Variants in FSTL5 observed in about 807,000 individuals in gnomAD.
FSTL5 encodes the protein follistatin like 5.
Under a neutral mutation model 89.1 loss-of-function variants are expected in FSTL5, and 62 were observed. The observed-to-expected ratio is 0.70, with a 90% CI of 0.57 to 0.86. The LOEUF (loss-of-function observed/expected upper bound fraction) is 0.86. Ranked by LOEUF, FSTL5 falls within the 40% of genes least tolerant of loss-of-function variation. FSTL5 has a pLI of 0.00. For missense variants in FSTL5, 1,057 were observed against 1,001.6 expected (o/e 1.06, Z -0.75); for synonymous variants, 383 against 346.2 (o/e 1.11, Z -1.18).
intron 4 of FSTL5, among the ~76,000 whole-genome samples, chr4:161,779,759 TTATATA>T (rs1240577419): frequency 3.2e-5 from 1 of 31,184 alleles, no homozygotes; most frequent in Non-Finnish European, 5.0e-5. Flanking sequence ...ATTTGTAAAG[TTATATA>T]TATATATATG....
intron 4 of FSTL5, among the ~76,000 whole-genome samples, chr4:161,830,659 T>C (rs1212213062): frequency 6.6e-6 from 1 of 151,996 alleles, no homozygotes; most frequent in Non-Finnish European, 1.5e-5. Context: ...TAACAGAACA[T>C]ACAATTAAAT....
rs567566622 is a variant in FSTL5, at chr4:162,109,578, T to C, written c.126+1693A>G. On this transcript the variant is annotated intron_variant, in intron 2 of 15. Transcript: ENST00000306100. ...CTCGAACAACTTTAACTCAGTGTGT[T>C]ATTTCTTTAAAGCTTTACTAAACCT... Among the ~76,000 whole-genome samples the C allele has an allele frequency of 1.9e-3, 290 of 152,238 alleles. 3 individuals carry two copies. The highest frequency in any genetic ancestry group is 6.8e-3 in the African/African-American group (283 of 41,576).
intron 7 of FSTL5, among the ~76,000 whole-genome samples, chr4:161,635,191 A>G (rs1192217320): frequency 6.6e-6 from 1 of 152,140 alleles, no homozygotes; most frequent in Non-Finnish European, 1.5e-5. Flanking sequence ...GTTCAAGACC[A>G]GCCTGGCCAA....
intron 9 of FSTL5, among the ~76,000 whole-genome samples, chr4:161,541,467 T>A (rs1190390456): frequency 6.7e-6 from 1 of 150,028 alleles, no homozygotes; most frequent in Admixed American, 6.6e-5. Flanking sequence ...TCCTCTCAGA[T>A]TATAGACCTC....
chr4:161,467,812 C>A (rs1026818541), intron 13 of FSTL5, among the ~76,000 whole-genome samples: 1 of 151,688 alleles, frequency 6.6e-6, no homozygotes, highest in African/African-American at 2.4e-5. Flanking sequence ...TTATACGTGG[C>A]TGCAAAAAAG....
rs190521993 is a variant in FSTL5 at position 161,997,766 on chromosome 4, G to A, written c.160+35859C>T. Among the ~76,000 whole-genome samples the A allele has an allele frequency of 1.5e-3, 225 of 145,486 alleles. 1 individual carries two copies. The highest frequency in any genetic ancestry group is 5.9e-3 in the East Asian group (29 of 4,916). ...ACTAAAGGCGCCCGCCACCACGCCC[G>A]GCTAATTTTTCGTATTTTTAGTAGA... On this transcript the variant is annotated intron_variant, in intron 3 of 15. Coordinates refer to ENST00000306100, the MANE Select transcript of FSTL5 (RefSeq NM_020116.5).
chr4:161,995,361 T>C (rs1736257690), intron 3 of FSTL5, among the ~76,000 whole-genome samples: 1 of 152,276 alleles, frequency 6.6e-6, no homozygotes, highest in Non-Finnish European at 1.5e-5. Context: ...TGCCGAACTT[T>C]GCATAGTGAA....
chr4:162,033,312 G>A (rs895887216), intron 3 of FSTL5, among the ~76,000 whole-genome samples: 2 of 152,108 alleles, frequency 1.3e-5, no homozygotes, highest in African/African-American at 4.8e-5. Context: ...ATACATAGAA[G>A]TGACACAACA....
chr4:161,934,473 A>C (rs897227773), intron 3 of FSTL5, among the ~76,000 whole-genome samples: 1 of 152,116 alleles, frequency 6.6e-6, no homozygotes, highest in Admixed American at 6.6e-5. Flanking sequence ...GACTGCCCTC[A>C]GTCATGAAAT....
At chr4:161,583,606 AT>A (rs11334310) in intron 8 of FSTL5, among the ~76,000 whole-genome samples, 148,968 of 152,206 alleles carry the variant, frequency 0.98, 72,984 homozygotes, top group Middle Eastern at 1. Context: ...TGATAGTTGA[AT>A]TTTGATAAAT....
chr4:162,054,603 T>G (rs547525900), intron 2 of FSTL5, among the ~76,000 whole-genome samples: 238 of 152,030 alleles, frequency 1.6e-3, no homozygotes, highest in Admixed American at 1.6e-3. Context: ...ATTCTCCCTG[T>G]TGAAAATAAT....
At chr4:161,711,693 C>T (rs1738787029) in intron 6 of FSTL5, among the ~76,000 whole-genome samples, 1 of 151,972 alleles carries the variant, frequency 6.6e-6, no homozygotes, top group Admixed American at 6.6e-5. Context: ...AATTTAACAA[C>T]AGTATCCCTT....
chr4:161,844,982 G>C (rs1025042521), intron 4 of FSTL5, among the ~76,000 whole-genome samples: 4 of 151,816 alleles, frequency 2.6e-5, no homozygotes, highest in African/African-American at 9.7e-5. Flanking sequence ...AAATAACAAA[G>C]AGTAAAAAAA....
chr4:161,606,240 AT>A (rs71598720), intron 7 of FSTL5, among the ~76,000 whole-genome samples: 7,324 of 117,476 alleles, frequency 0.062, 561 homozygotes, highest in African/African-American at 0.22. Flanking sequence ...ATTATCTGTG[AT>A]TTTTTTTTTT....
intron 10 of FSTL5, among the ~76,000 whole-genome samples, chr4:161,524,293 G>A (rs2126520303): frequency 6.6e-6 from 1 of 151,928 alleles, no homozygotes; most frequent in African/African-American, 2.4e-5. Flanking sequence ...CTGCTTTTCT[G>A]GACCAAATCA....
At chr4:162,118,647 C>T (rs548209328) in intron 1 of FSTL5, among the ~76,000 whole-genome samples, 31 of 152,246 alleles carry the variant, frequency 2.0e-4, no homozygotes, top group African/African-American at 7.0e-4. Flanking sequence ...GCTGCCGCCC[C>T]GTCATTGTAC....
intron 1 of FSTL5, among the ~76,000 whole-genome samples, chr4:162,158,297 A>G (rs116122662): frequency 6.6e-6 from 1 of 152,064 alleles, no homozygotes; most frequent in Non-Finnish European, 1.5e-5. Context: ...CAAGGGAAAC[A>G]CTGGCTGCTG....
rs947172467 is a variant in FSTL5 at position 161,638,857 on chromosome 4, T to G, written c.894+17471A>C. Among the ~76,000 whole-genome samples, 53 of 136,020 alleles carry G rather than the reference T, an allele frequency of 3.9e-4. 1 individual carries two copies. The highest frequency in any genetic ancestry group is 6.9e-4 in the Non-Finnish European group (44 of 64,048). 89.2% of individuals were successfully genotyped at this position (136,020 alleles called of 152,430 possible). A position where few individuals can be genotyped will look rare whatever the true frequency, so the allele number is the denominator to read the frequency against. On this transcript the variant is annotated intron_variant, in intron 7 of 15. Coordinates refer to ENST00000306100, the MANE Select transcript of FSTL5 (RefSeq NM_020116.5). ...GGCTGGTTCAATATACGCAAATCGA[T>G]AAATGTAATCCAGCATATAAACAGA...
chr4:161,436,390 C>T (rs1374610656), intron 15 of FSTL5, among the ~76,000 whole-genome samples: 2 of 152,142 alleles, frequency 1.3e-5, no homozygotes, highest in Non-Finnish European at 2.9e-5. Context: ...AAACCATAAC[C>T]ATTCCTGAGT....
Sources: allele counts gnomAD v4.1 joint callset (sites outside exome capture counted in the v4.1 genomes callset), GRCh38; gene constraint gnomAD v4.1.1; transcripts MANE v1.5; gene names NCBI Gene and HGNC (gene_info 2026-07-23, HGNC 2026-07-21).